The following SLIT3 variants were observed in gnomAD, a reference collection of about 807,000 sequenced individuals.
SLIT3 encodes slit homolog 3 protein.
Under a neutral mutation model 184.0 loss-of-function variants are expected in SLIT3, and 68 were observed. The observed-to-expected ratio is 0.37, with a 90% CI of 0.30 to 0.45. The LOEUF (loss-of-function observed/expected upper bound fraction) is 0.45, where lower values mean the gene tolerates loss of function less well. Among genes scored for constraint, SLIT3 ranks in the 20% least tolerant of loss-of-function variants. SLIT3 has a pLI of 1.00. For missense variants in SLIT3, 1,707 were observed against 2,026.0 expected (o/e 0.84, Z 3.02); for synonymous variants, 831 against 828.6 (o/e 1.00, Z -0.05).
intron 4 of SLIT3, among the ~76,000 whole-genome samples, chr5:169,178,838 G>C (rs1278322128): frequency 1.3e-5 from 2 of 152,160 alleles, no homozygotes; most frequent in Non-Finnish European, 2.9e-5. Flanking sequence ...TAGTGATGAA[G>C]TCAGGTTGTT....
intron 4 of SLIT3, among the ~76,000 whole-genome samples, chr5:169,031,287 T>G (rs772651437): frequency 3.1e-4 from 47 of 152,280 alleles, no homozygotes; most frequent in South Asian, 6.2e-4. Context: ...AAATATTTGT[T>G]GAGTTACTAT....
intron 3 of SLIT3, among the ~76,000 whole-genome samples, chr5:169,203,570 C>A (rs908897179): frequency 6.6e-6 from 1 of 152,184 alleles, no homozygotes; most frequent in African/African-American, 2.4e-5. Flanking sequence ...AAGAATCACT[C>A]CTGGATCTCT....
intron 28 of SLIT3, 145 bp from the exon 29 acceptor site, chr5:168,692,845 T>G (rs1237651199): frequency 1.6e-6 from 1 of 613,826 alleles, no homozygotes; most frequent in East Asian, 2.8e-5. Context: ...TCAGGAGTCC[T>G]GTGTTCTCAC....
At chr5:168,789,090 G>A (rs1482196069) in intron 11 of SLIT3, among the ~76,000 whole-genome samples, 2 of 152,104 alleles carry the variant, frequency 1.3e-5, no homozygotes, top group African/African-American at 2.4e-5. Flanking sequence ...CTATAGGATG[G>A]GGTGGATGTT....
chr5:169,150,042 C>T (rs1762062358), intron 4 of SLIT3, among the ~76,000 whole-genome samples: 1 of 152,156 alleles, frequency 6.6e-6, no homozygotes, highest in Admixed American at 6.5e-5. Flanking sequence ...GGGATTTCAA[C>T]CCTGGAAGTT....
intron 28 of SLIT3, among the ~76,000 whole-genome samples, chr5:168,695,750 C>G (rs1446824694): frequency 1.3e-5 from 2 of 152,120 alleles, no homozygotes; most frequent in African/African-American, 4.8e-5. Context: ...GATTCTCTGG[C>G]TGGGTTAGGT....
rs146064613 is a variant in SLIT3 at position 168,726,304 on chromosome 5, T to G, written c.2271-1820A>C. Among the ~76,000 whole-genome samples the G allele has an allele frequency of 5.3e-3, 778 of 147,642 alleles. 7 individuals are homozygous for G. The highest frequency in any genetic ancestry group is 0.018 in the African/African-American group (731 of 39,742). On this transcript the variant is annotated intron_variant, in intron 20 of 35. Transcript: ENST00000519560. ...TATACTGGTGAATAAGAGCCATAAT[T>G]CCTGCTTTCAGGCAATTAAAAATCA...
At position 168,760,838 on chromosome 5, in the gene SLIT3, G is replaced by C; in HGVS notation, c.1685+24C>G. The C allele has an allele frequency of 1.3e-6, 2 of 1,584,932 alleles. 1 individual carries two copies. Among genetic ancestry groups the C allele is most frequent in the Middle Eastern group, 3.4e-4 (2 of 5,952 alleles). ...CTCTGGCTAGAGAACAGAGGCTGCTGCCAAGTTCCTGAAGTTGACTTACAT... is the reference window on the plus strand; with the variant it reads ...CTCTGGCTAGAGAACAGAGGCTGCTCCCAAGTTCCTGAAGTTGACTTACAT... On this transcript the variant is annotated intron_variant, in intron 16 of 35. Transcript: ENST00000519560.
intron 3 of SLIT3, among the ~76,000 whole-genome samples, chr5:169,213,419 G>C (rs140871858): frequency 2.2e-4 from 34 of 152,184 alleles, no homozygotes; most frequent in African/African-American, 8.2e-4. Context: ...CACAGAATTG[G>C]AAAAAACTAC....
rs572037600 is a variant in SLIT3 at position 169,108,569 on chromosome 5, A to T, written c.413+84910T>A. 5.3e-5 allele frequency among the ~76,000 whole-genome samples: 8 copies of T among 152,280 alleles called. No homozygotes were observed. The South Asian group carries it at 1.7e-3, about 32-fold the overall frequency. On this transcript the variant is annotated intron_variant, in intron 4 of 35. Transcript: ENST00000519560. The stretch of plus-strand genomic sequence containing the variant: ...ACCATGGCAGCTTTGGCAGCTAGAG[A>T]TGACTGGAGGTATCTGTAACCCTTG...
At chr5:169,199,152 A>G (rs297849) in intron 3 of SLIT3, among the ~76,000 whole-genome samples, 46,683 of 151,852 alleles carry the variant, frequency 0.31, 8,216 homozygotes, top group East Asian at 0.69. Flanking sequence ...ATGAAGACCT[A>G]ATTAAGGATA....
intron 12 of SLIT3, among the ~76,000 whole-genome samples, chr5:168,779,286 A>G (rs1755882245): frequency 6.6e-6 from 1 of 152,162 alleles, no homozygotes; most frequent in African/African-American, 2.4e-5. Flanking sequence ...CTAAGAGCCT[A>G]AGGGAGCCAC....
chr5:169,012,939 C>T (rs754500400), intron 4 of SLIT3: 4 of 152,224 alleles, frequency 2.6e-5, no homozygotes, highest in Non-Finnish European at 4.4e-5. Context: ...ATGAGAATAG[C>T]GCTACTATCT....
At chr5:168,780,949 T>TGTAGGCCAC in intron 12 of SLIT3, among the ~76,000 whole-genome samples, 1 of 152,344 alleles carries the variant, frequency 6.6e-6, no homozygotes, top group East Asian at 1.9e-4. Context: ...AAATGGGTGC[T>TGTAGGCCAC]GTAGGCCACG....
chr5:169,203,351 G>A (rs1209366668), intron 3 of SLIT3, among the ~76,000 whole-genome samples: 2 of 147,424 alleles, frequency 1.4e-5, no homozygotes, highest in Non-Finnish European at 3.0e-5. Context: ...ATGTGAATGT[G>A]CACACACACA....
At chr5:169,041,163 T>G (rs573181547) in intron 4 of SLIT3, among the ~76,000 whole-genome samples, 3 of 152,228 alleles carry the variant, frequency 2.0e-5, no homozygotes, top group Non-Finnish European at 4.4e-5. Flanking sequence ...CACCTAATAT[T>G]TCTTCAGTAA....
chr5:168,725,594 G>A (rs1277964659), intron 20 of SLIT3, among the ~76,000 whole-genome samples: 5 of 152,212 alleles, frequency 3.3e-5, no homozygotes, highest in African/African-American at 9.7e-5. Context: ...GCTAGACCTA[G>A]GTCTATCTCT....
intron 4 of SLIT3, among the ~76,000 whole-genome samples, chr5:169,089,236 C>T (rs1175612039): frequency 9.2e-5 from 14 of 152,026 alleles, no homozygotes; most frequent in Admixed American, 9.2e-4. Context: ...TTGTCATCCA[C>T]CACTGTGTGT....
intron 5 of SLIT3, among the ~76,000 whole-genome samples, chr5:168,874,819 C>T (rs1024090009): frequency 6.6e-6 from 1 of 152,196 alleles, no homozygotes; most frequent in African/African-American, 2.4e-5. Context: ...AACTAATCAG[C>T]TGGTATTTAT....
Sources: allele counts gnomAD v4.1 joint callset (sites outside exome capture counted in the v4.1 genomes callset), GRCh38; gene constraint gnomAD v4.1.1; transcripts MANE v1.5; gene names NCBI Gene and HGNC (gene_info 2026-07-23, HGNC 2026-07-21).